Variants in VPS52 observed in about 807,000 individuals in gnomAD.
The protein encoded by VPS52 is vacuolar protein sorting-associated protein 52 homolog.
A neutral mutation model predicts 98.7 loss-of-function variants in VPS52; 56 were observed. The ratio of observed to expected loss-of-function variants is 0.57; its 90% CI spans 0.46 to 0.71. The LOEUF is 0.71. Among genes scored for constraint, VPS52 ranks in the 30% least tolerant of loss-of-function variants. The pLI, the probability that VPS52 is intolerant of heterozygous loss-of-function variation, is 0.00. For missense variants in VPS52, 742 were observed against 925.9 expected (o/e 0.80, Z 2.58); for synonymous variants, 348 against 346.4 (o/e 1.00, Z -0.05).
chr6:33,270,375 A>G, intron 1 of VPS52, 92 bp from the exon 2 acceptor site: 1 of 1,237,810 alleles, frequency 8.1e-7, no homozygotes, highest in Non-Finnish European at 1.1e-6. Context: ...AGTGAGAAGG[A>G]GCTGCTTTTA....
chr6:33,263,620 CCA>C (rs1763932255), intron 16 of VPS52, 71 bp from the exon 17 acceptor site: 1 of 1,599,406 alleles, frequency 6.3e-7, no homozygotes, highest in Non-Finnish European at 8.6e-7. Context: ...CCCCTTCATT[CCA>C]CACTTATTGT....
At chr6:33,270,887 C>A (rs562465100) in intron 1 of VPS52, among the ~76,000 whole-genome samples, 1 of 143,040 alleles carries the variant, frequency 7.0e-6, no homozygotes, top group African/African-American at 2.7e-5. Context: ...GAAGGTGGAG[C>A]TTGCAGTGAG....
rs9280385 is a variant in VPS52, at chr6:33,256,463, C to CAAAAAA, written c.1795-4498_1795-4493dup. 2.7e-3 allele frequency among the ~76,000 whole-genome samples: 227 copies of CAAAAAA among 83,646 alleles called. 15 individuals carry two copies. The highest frequency in any genetic ancestry group is 3.9e-3 in the Non-Finnish European group (167 of 43,336). The allele number at this position is 83,646 out of a possible 152,430, so 54.9% of individuals were successfully genotyped here. ...CTGAGTGACAGAGCAAAACCTGTCT[C>CAAAAAA]AAAAAAAAAAAAAAAAAAAAAAAAA... On this transcript the variant is annotated intron_variant, in intron 17 of 19. Transcript: ENST00000445902.
At chr6:33,252,147 C>T (rs1008244292) in intron 17 of VPS52, among the ~76,000 whole-genome samples, 176 bp from the exon 18 acceptor site, 1 of 152,182 alleles carries the variant, frequency 6.6e-6, no homozygotes, top group Non-Finnish European at 1.5e-5. Context: ...CATACAGTTC[C>T]CCTGGTTAAG....
At chr6:33,262,198 A>G (rs564434308) in intron 17 of VPS52, among the ~76,000 whole-genome samples, 2 of 152,300 alleles carry the variant, frequency 1.3e-5, no homozygotes, top group East Asian at 3.9e-4. Flanking sequence ...TAATCCTATT[A>G]AAAAATGGGC....
intron 17 of VPS52, among the ~76,000 whole-genome samples, chr6:33,255,648 C>T (rs418002): frequency 0.1 from 15,104 of 151,252 alleles, 963 homozygotes; most frequent in South Asian, 0.19. Context: ...AAAAAAATAC[C>T]GGGCATGGTG....
At chr6:33,259,590 G>A (rs932635966) in intron 17 of VPS52, among the ~76,000 whole-genome samples, 4 of 151,938 alleles carry the variant, frequency 2.6e-5, no homozygotes, top group East Asian at 1.9e-4. Flanking sequence ...TCCAAAATCC[G>A]GAAGTTTTTG....
rs1446120421 is a variant in VPS52, at chr6:33,263,697, C to T, written c.1728+75G>A. On this transcript the variant is annotated intron_variant, in intron 16 of 19. Transcript: ENST00000445902. ...CTGAACAAGACAGGCATCATCTCTG[C>T]CCTCACAGAGCTAACAGCAGTGGGG... is the stretch of plus-strand genomic sequence containing the variant. 16 of 1,588,840 alleles carry T rather than the reference C, an allele frequency of 1.0e-5. No individual in the cohort carries two copies. In the South Asian group the frequency reaches 1.5e-4, roughly 15 times the overall value.
At chr6:33,264,553 G>A (rs758527909) in intron 13 of VPS52, 56 bp from the exon 14 acceptor site, 226 of 1,608,308 alleles carry the variant, frequency 1.4e-4, no homozygotes, top group Non-Finnish European at 1.9e-4. Context: ...GAGGGGGATG[G>A]GAGGGAGTGG....
chr6:33,270,118 A>G (rs962565761), intron 2 of VPS52, 67 bp from the exon 3 acceptor site: 4 of 1,612,648 alleles, frequency 2.5e-6, no homozygotes, highest in African/African-American at 2.7e-5. Context: ...GAGTATCTGC[A>G]CACCAATCCC....
rs533245182 is a variant in VPS52, at chr6:33,257,576, T to G, written c.1795-5605A>C. Among the ~76,000 whole-genome samples, 8 of 152,236 alleles carry G rather than the reference T, an allele frequency of 5.3e-5. No homozygotes were observed. In the Middle Eastern group the frequency reaches 0.01, roughly 194 times the overall value. On this transcript the variant is annotated intron_variant, in intron 17 of 19. Transcript: ENST00000445902. ...ACCACGCCCAGCTAATTTTTTTGTA[T>G]TTTTAGTAGAGACGAGGTTTCACCA...
intron 17 of VPS52, among the ~76,000 whole-genome samples, chr6:33,262,803 C>T (rs112341095): frequency 0.038 from 5,794 of 152,150 alleles, 191 homozygotes; most frequent in African/African-American, 0.087. Context: ...CTCACTGATT[C>T]GTGGAATCTA....
In VPS52 at chr6:33,268,446, T is replaced by C; in HGVS notation, c.699+53A>G. 1 of 1,543,304 alleles carries C rather than the reference T, an allele frequency of 6.5e-7. No homozygotes were observed. The highest frequency in any genetic ancestry group is 8.7e-7 in the Non-Finnish European group (1 of 1,144,090). On this transcript the variant is annotated intron_variant, in intron 7 of 19. Transcript: ENST00000445902. This position sits in a 1 kb window ranked among gnomAD's most constrained non-coding sequence, Gnocchi z 4.0. ...CTGCCAAGGAAATCCATAGTGAAGA[T>C]CTTGGGAAGGCTGCTTCCAGTAGCC...
chr6:33,271,677 C>A lies in VPS52; in HGVS notation c.-2G>T. On this transcript the variant is annotated 5_prime_UTR_variant, in exon 1 of 20. Transcript: ENST00000445902. ...CGCCATGGTCGCAGCGGCGGCCATT[C>A]CCCGCAGCCTCACTTCCGGCAACTG... is the stretch of plus-strand genomic sequence containing the variant. 6.2e-7 allele frequency: 1 copy of A among 1,605,930 alleles called. No homozygotes were observed. The highest frequency in any genetic ancestry group is 8.5e-7 in the Non-Finnish European group (1 of 1,175,678).
intron 1 of VPS52, 72 bp from the exon 2 acceptor site, chr6:33,270,355 C>T: frequency 3.5e-6 from 5 of 1,423,186 alleles, no homozygotes; most frequent in Non-Finnish European, 1.9e-6. Context: ...TGGATATCCC[C>T]AGTCCTTCAA....
intron 5 of VPS52, 147 bp downstream of exon 5, chr6:33,269,343 G>C: frequency 7.1e-7 from 1 of 1,404,160 alleles, no homozygotes; most frequent in Non-Finnish European, 9.9e-7. Flanking sequence ...CATTAAATAT[G>C]GCAGTAATAA....
Position 33,271,633 on chromosome 6 carries a change from C to G in VPS52, c.43G>C (p.Val15Leu). 1 of 1,611,754 alleles carries G rather than the reference C, an allele frequency of 6.2e-7. No individual in the cohort carries two copies. The highest frequency in any genetic ancestry group is 8.5e-7 in the Non-Finnish European group (1 of 1,178,822). The change falls in exon 1 of 20, where the codon GTG becomes CTG. Residue 15 changes from valine (V) to leucine (L), a missense_variant. Val to Leu is a conservative substitution (Grantham distance 32). Coordinates refer to ENST00000445902, the MANE Select transcript of VPS52 (RefSeq NM_022553.6). ...ATMAAAAREL[V>L]LRAGTSDMEE... ...ATATCTGAGGTCCCAGCCCGCAACACCAGTTCCCGGGCCGCAGCCGCCATG... is the reference window on the plus strand; with the variant it reads ...ATATCTGAGGTCCCAGCCCGCAACAGCAGTTCCCGGGCCGCAGCCGCCATG...
intron 5 of VPS52, 58 bp from the exon 6 acceptor site, chr6:33,269,247 C>T: frequency 1.3e-6 from 2 of 1,596,270 alleles, no homozygotes; most frequent in Non-Finnish European, 1.7e-6. Flanking sequence ...ATAAGTGGGC[C>T]ACCAAAGACT....
chr6:33,256,550 CAT>C (rs1763004232), intron 17 of VPS52, among the ~76,000 whole-genome samples: 1 of 137,260 alleles, frequency 7.3e-6, no homozygotes. Context: ...GTTTCAATAT[CAT>C]AAAGTATCAA....
Sources: gnomAD v4.1 joint callset for allele counts (sites outside exome capture counted in the v4.1 genomes callset) on GRCh38, gnomAD v4.1.1 for gene constraint, Gnocchi (gnomAD v3.1) non-coding constraint, MANE v1.5 for transcripts, NCBI Gene and HGNC (gene_info 2026-07-23, HGNC 2026-07-21) for gene names.